PELI3: variants seen among roughly 807,000 people sequenced by gnomAD.
PELI3 encodes pellino E3 ubiquitin protein ligase family member 3.
In PELI3, 19 loss-of-function variants were observed where a neutral mutation model predicts 35.5. The observed-to-expected ratio is 0.54, with a 90% CI of 0.37 to 0.79. The LOEUF is 0.79. Among genes scored for constraint, PELI3 ranks in the 30% least tolerant of loss-of-function variants. The pLI is 0.00. For synonymous variants in PELI3, 262 were observed against 279.2 expected, an observed-to-expected ratio of 0.94 and a Z score of 0.62; for missense variants, 490 against 661.2, an observed-to-expected ratio of 0.74 and a Z score of 2.84.
intron 2 of PELI3, 112 bp from the exon 3 acceptor site, chr11:66,468,721 G>T: frequency 1.8e-6 from 1 of 570,712 alleles, no homozygotes; most frequent in Non-Finnish European, 3.3e-6. Context: ...AAATGAATGA[G>T]GTGATTTCTG....
chr11:66,473,992 C>T lies in PELI3; in HGVS notation c.840+67C>T, dbSNP rs767435124. On this transcript the variant is annotated intron_variant, in intron 7 of 7. Coordinates refer to ENST00000320740, the MANE Select transcript of PELI3 (RefSeq NM_145065.3). The surrounding 1 kb of genome is among the most constrained non-coding windows in gnomAD (Gnocchi z 5.8). ...CCCTCACAAGCTGCCCATCCCCCTG[C>T]CCAAGCCAGGAGATGATCTCCAGTC... 5.1e-6 allele frequency: 8 copies of T among 1,581,342 alleles called. No individual in the cohort carries two copies. The highest frequency in any genetic ancestry group is 6.9e-6 in the Non-Finnish European group (8 of 1,164,200).
chr11:66,467,969 A>C lies in PELI3; in HGVS notation c.-1-159A>C, dbSNP rs1766571588. On this transcript the variant is annotated intron_variant, in intron 1 of 7. Coordinates refer to ENST00000320740, the MANE Select transcript of PELI3 (RefSeq NM_145065.3). The surrounding 1 kb of genome is among the most constrained non-coding windows in gnomAD (Gnocchi z 4.2). ...CCCTGGTATCCCAGCAACCTCGGGCAGTTTAGAGGAGGCAGAGGGGAAGTG... is the reference window on the plus strand; with the variant it reads ...CCCTGGTATCCCAGCAACCTCGGGCCGTTTAGAGGAGGCAGAGGGGAAGTG... 6.6e-6 allele frequency among the ~76,000 whole-genome samples: 1 copy of C among 152,216 alleles called. No homozygotes were observed. Among genetic ancestry groups the C allele is most frequent in the South Asian group, 2.1e-4 (1 of 4,838 alleles).
chr11:66,475,422 G>A (rs1227352641), intron 7 of PELI3, 176 bp from the exon 8 acceptor site: 2 of 605,974 alleles, frequency 3.3e-6, no homozygotes, highest in Non-Finnish European at 2.9e-6. Context: ...TGGGAGGGGG[G>A]ATCAGCATGT....
rs1471121985 is a variant in PELI3, at chr11:66,473,461, A to G, written c.651+26A>G. The stretch of plus-strand genomic sequence containing the variant: ...GTGAGTGAGCCCCAGGAAGGGACCA[A>G]CTCTTCATCTGTGAGGCAAGGGGTA... On this transcript the variant is annotated intron_variant, in intron 6 of 7. Transcript: ENST00000320740. The surrounding 1 kb of genome is among the most constrained non-coding windows in gnomAD (Gnocchi z 5.8). 4 of 1,589,456 alleles carry G rather than the reference A, an allele frequency of 2.5e-6. No homozygotes were observed. Among genetic ancestry groups the G allele is most frequent in the Non-Finnish European group, 2.6e-6 (3 of 1,164,390 alleles).
In PELI3 at chr11:66,472,448, A is replaced by T. The variant is rs1265459546; in HGVS notation, c.434A>T (p.Asp145Val). Residue 145 changes from aspartate (D) to valine (V), a missense_variant, in exon 5 of 8, where the codon GAT (aspartate) becomes GTT (valine). Asp to Val is a radical substitution (Grantham distance 152). Around this residue, in one of 3 missense-constraint regions of PELI3, gnomAD observed 349 missense variants for 484.8 expected, o/e 0.72. Coordinates refer to ENST00000320740, the MANE Select transcript of PELI3 (RefSeq NM_145065.3). ...SHSVIVEYTH[D>V]SDTDMFQIGR... ...TCGGTCATAGTGGAGTATACACATG[A>T]TAGCGACACAGACATGTTCCAGGTA... 6.2e-7 allele frequency: 1 copy of T among 1,614,014 alleles called. No homozygotes were observed. Among genetic ancestry groups the T allele is most frequent in the East Asian group, 2.2e-5 (1 of 44,882 alleles).
At chr11:66,475,313 A>G (rs1231837203) in intron 7 of PELI3, among the ~76,000 whole-genome samples, 1 of 152,214 alleles carries the variant, frequency 6.6e-6, no homozygotes, top group Non-Finnish European at 1.5e-5. Flanking sequence ...TGCCTCTGTC[A>G]GGAGGAGGGC....
chr11:66,475,532 G>A, intron 7 of PELI3, 66 bp from the exon 8 acceptor site: 1 of 1,555,998 alleles, frequency 6.4e-7, no homozygotes, highest in Non-Finnish European at 8.8e-7. Flanking sequence ...GGGAGGCTCT[G>A]TGGGATGGAC....
At chr11:66,475,255 C>T (rs950312436) in intron 7 of PELI3, among the ~76,000 whole-genome samples, 1 of 152,210 alleles carries the variant, frequency 6.6e-6, no homozygotes, top group Non-Finnish European at 1.5e-5. Flanking sequence ...CAGCATTCCC[C>T]GTTAGCTTTG....
In PELI3 at chr11:66,470,624, A is replaced by C. The variant is rs545684289; in HGVS notation, c.225-618A>C. Among the ~76,000 whole-genome samples the C allele has an allele frequency of 3.3e-5, 5 of 152,326 alleles. No homozygotes were observed. In the East Asian group the frequency reaches 9.6e-4, roughly 29 times the overall value. On this transcript the variant is annotated intron_variant, in intron 3 of 7. Coordinates refer to ENST00000320740, the MANE Select transcript of PELI3 (RefSeq NM_145065.3). Reference sequence around the variant, plus strand: ...CCTCTCACAGCCATGCCCTCCAGACAAGAGCTGGAAAGGCAGGTGGAAATT... The same window carrying C: ...CCTCTCACAGCCATGCCCTCCAGACCAGAGCTGGAAAGGCAGGTGGAAATT...
At chr11:66,466,552 A>G (rs7925108), upstream of PELI3, 100,533 of 152,192 alleles carry the variant, frequency 0.66, 35,111 homozygotes, top group African/African-American at 0.9. Context: ...AGGGGCGCCC[A>G]TGTCTCTGGG....
At position 66,473,032 on chromosome 11, in the gene PELI3, G is replaced by A. The variant is rs1445365238; in HGVS notation, c.457-209G>A. On this transcript the variant is annotated intron_variant, in intron 5 of 7. Coordinates refer to ENST00000320740, the MANE Select transcript of PELI3 (RefSeq NM_145065.3). This position sits in a 1 kb window ranked among gnomAD's most constrained non-coding sequence, Gnocchi z 5.8. Reference sequence around the variant, plus strand: ...CTGTGGGGGCAACAGAGAAGGAGAAGCTGCTCCAGGCCACGGCTTCTTGGA... The same window carrying A: ...CTGTGGGGGCAACAGAGAAGGAGAAACTGCTCCAGGCCACGGCTTCTTGGA... 6.6e-6 allele frequency among the ~76,000 whole-genome samples: 1 copy of A among 152,196 alleles called. No homozygotes were observed. Among genetic ancestry groups the A allele is most frequent in the East Asian group, 1.9e-4 (1 of 5,196 alleles).
Position 66,475,971 on chromosome 11 carries a change from G to T in PELI3, c.1214G>T (p.Cys405Phe). 3.1e-6 allele frequency: 5 copies of T among 1,611,840 alleles called. No individual in the cohort carries two copies. The highest frequency in any genetic ancestry group is 4.2e-6 in the Non-Finnish European group (5 of 1,179,736). ...PLWLGQEAGLCLDPGPPSHAF... is the reference protein window; with the variant it reads ...PLWLGQEAGLFLDPGPPSHAF... ...TGGCTTGGCCAGGAGGCCGGCCTCT[G>T]CCTGGACCCTGGGCCGCCTAGCCAT... The change falls in exon 8 of 8, where the codon TGC (cysteine) becomes TTC (phenylalanine). Residue 405 changes from cysteine (C) to phenylalanine (F), a missense_variant. Cys to Phe is a radical substitution (Grantham distance 205). Transcript: ENST00000320740.
In PELI3 at chr11:66,468,918, C is replaced by G. The variant is rs747698318; in HGVS notation, c.224+14C>G. 3 of 751,168 alleles carry G rather than the reference C, an allele frequency of 4.0e-6. No individual in the cohort carries two copies. The South Asian group carries it at 4.2e-5, about 11-fold the overall frequency. 46.5% of individuals were successfully genotyped at this position (751,168 alleles called of 1,614,324 possible). A position where few individuals can be genotyped will look rare whatever the true frequency, so the allele number is the denominator to read the frequency against. On this transcript the variant is annotated intron_variant, in intron 3 of 7. Coordinates refer to ENST00000320740, the MANE Select transcript of PELI3 (RefSeq NM_145065.3). ...GGCACACAGCTGGTAAGTGGCAGGGCTGGGATTTGGACCCAGGTCTTTCTT... is the reference window on the plus strand; with the variant it reads ...GGCACACAGCTGGTAAGTGGCAGGGGTGGGATTTGGACCCAGGTCTTTCTT...
At chr11:66,472,602 G>A in intron 5 of PELI3, 132 bp downstream of exon 5, 1 of 701,236 alleles carries the variant, frequency 1.4e-6, no homozygotes, top group Non-Finnish European at 2.5e-6. Context: ...GGATGTCCCG[G>A]TGTGGGCTGT....
chr11:66,474,289 C>CT, intron 7 of PELI3: 1 of 580,144 alleles, frequency 1.7e-6, no homozygotes, highest in South Asian at 2.2e-5. Context: ...AGTTTATAGC[C>CT]TAAAGGGTTG....
Position 66,473,204 on chromosome 11 carries a change from T to TA in PELI3, c.457-36dup, listed in dbSNP as rs1218809673. 6.4e-7 allele frequency: 1 copy of TA among 1,564,638 alleles called. No individual in the cohort carries two copies. Among genetic ancestry groups the TA allele is most frequent in the Non-Finnish European group, 8.7e-7 (1 of 1,150,690 alleles). On this transcript the variant is annotated intron_variant, in intron 5 of 7. Coordinates refer to ENST00000320740, the MANE Select transcript of PELI3 (RefSeq NM_145065.3). The surrounding 1 kb of genome is among the most constrained non-coding windows in gnomAD (Gnocchi z 5.8). ...GGAAGGCCCATGAGAGTCCCCTATG[T>TA]ACATACAGTCCCTGCTTGCTCTCCC...
intron 1 of PELI3, 127 bp from the exon 2 acceptor site, chr11:66,468,001 A>G (rs1157661722): frequency 2.5e-6 from 3 of 1,201,548 alleles, no homozygotes; most frequent in Non-Finnish European, 2.2e-6. Flanking sequence ...AGTGGTTGCC[A>G]TAGCAGTAGA....
rs1854749800 is a variant in PELI3, at chr11:66,472,294, G to A, written c.355-75G>A. On this transcript the variant is annotated intron_variant, in intron 4 of 7. Coordinates refer to ENST00000320740, the MANE Select transcript of PELI3 (RefSeq NM_145065.3). Reference sequence around the variant, plus strand: ...CCAGGGAGTGGCTGCTGGGCCTTGAGCTCCAGGTGCTTGCTCAAGGCATAC... The same window carrying A: ...CCAGGGAGTGGCTGCTGGGCCTTGAACTCCAGGTGCTTGCTCAAGGCATAC... The A allele has an allele frequency of 6.9e-6, 8 of 1,152,510 alleles. No homozygotes were observed. In the South Asian group the frequency reaches 1.0e-4, roughly 14 times the overall value. The allele number at this position is 1,152,510 out of a possible 1,614,324, so 71.4% of individuals were successfully genotyped here. A position where few individuals can be genotyped will look rare whatever the true frequency, so the allele number is the denominator to read the frequency against.
chr11:66,471,131 T>G, intron 3 of PELI3, 111 bp from the exon 4 acceptor site: 1 of 1,352,292 alleles, frequency 7.4e-7, no homozygotes, highest in Non-Finnish European at 1.0e-6. Flanking sequence ...TTTATTAAGG[T>G]AGGATCTGCC....
Sources: gnomAD v4.1 joint callset for allele counts (sites outside exome capture counted in the v4.1 genomes callset) on GRCh38, gnomAD v4.1.1 for gene constraint, gnomAD v4.1.1 regional missense constraint, Gnocchi (gnomAD v3.1) non-coding constraint, MANE v1.5 for transcripts, NCBI Gene and HGNC (gene_info 2026-07-23, HGNC 2026-07-21) for gene names.